Variants in OPN3 observed in about 807,000 individuals in gnomAD.
The protein encoded by OPN3 is opsin-3.
OPN3 carries 29 observed loss-of-function variants against 33.8 expected under a neutral mutation model. That is an observed-to-expected ratio of 0.86 (90% CI 0.64 to 1.17). The LOEUF (loss-of-function observed/expected upper bound fraction) is 1.17. Ranked by LOEUF, OPN3 falls within the 50% of genes most tolerant of loss-of-function variation. The probability of loss-of-function intolerance (pLI) is 0.00; values close to 1 mark genes in which losing one functional copy is unlikely to be tolerated. For missense variants in OPN3, 437 were observed against 514.1 expected (o/e 0.85, Z 1.45); for synonymous variants, 216 against 216.1 (o/e 1.00, Z 0.00).
At chr1:241,619,041 C>A (rs1029719372) in intron 1 of OPN3, among the ~76,000 whole-genome samples, 1 of 151,864 alleles carries the variant, frequency 6.6e-6, no homozygotes, top group African/African-American at 2.4e-5. Context: ...TACATACTTA[C>A]AATTCAGTGC....
Sources: allele counts gnomAD v4.1 joint callset (sites outside exome capture counted in the v4.1 genomes callset), GRCh38; gene constraint gnomAD v4.1.1; transcripts MANE v1.5; gene names NCBI Gene and HGNC (gene_info 2026-07-23, HGNC 2026-07-21).